The following THSD7A variants were observed in gnomAD, a reference collection of about 807,000 sequenced individuals.
The protein encoded by THSD7A is thrombospondin type 1 domain containing 7A, also known as thrombospondin type-1 domain-containing protein 7A.
THSD7A carries 96 observed loss-of-function variants against 231.3 expected under a neutral mutation model. That is an observed-to-expected ratio of 0.41 (90% CI 0.35 to 0.49). The LOEUF is 0.49. Among genes scored for constraint, THSD7A ranks in the 20% least tolerant of loss-of-function variants. THSD7A has a pLI of 0.05. For synonymous variants in THSD7A, 940 were observed against 743.3 expected (o/e 1.26, Z -4.30); for missense variants, 2,290 against 2,070.2 (o/e 1.11, Z -2.06).
Position 11,590,723 on chromosome 7 carries a change from G to A in THSD7A, c.1272-82C>T, listed in dbSNP as rs574136219. On this transcript the variant is annotated intron_variant, in intron 3 of 27. Coordinates refer to ENST00000423059, the MANE Select transcript of THSD7A (RefSeq NM_015204.3). This position sits in a 1 kb window ranked among gnomAD's most constrained non-coding sequence, Gnocchi z 4.4. The stretch of plus-strand genomic sequence containing the variant: ...TACTCCTGTCATACTTTGTTTTAAC[G>A]AAAATTAGTCTCAAAATCATTTTCC... The A allele has an allele frequency of 8.4e-6, 12 of 1,425,972 alleles. No homozygotes were observed. The South Asian group carries it at 8.8e-5, about 10-fold the overall frequency. The allele number at this position is 1,425,972 out of a possible 1,614,324, so 88.3% of individuals were successfully genotyped here. A position where few individuals can be genotyped will look rare whatever the true frequency, so the allele number is the denominator to read the frequency against.
chr7:11,451,924 C>A (rs546857605), intron 11 of THSD7A, among the ~76,000 whole-genome samples: 1 of 152,162 alleles, frequency 6.6e-6, no homozygotes, highest in African/African-American at 2.4e-5. Flanking sequence ...AGGCCATGCA[C>A]TCATTTTGTT....
chr7:11,416,366 A>G (rs1783959718), intron 17 of THSD7A, among the ~76,000 whole-genome samples: 2 of 152,206 alleles, frequency 1.3e-5, no homozygotes, highest in Admixed American at 6.5e-5. Context: ...TCATAATATG[A>G]TATCTGACAA....
chr7:11,622,217 A>G (rs1331670153), intron 2 of THSD7A, among the ~76,000 whole-genome samples: 1 of 152,148 alleles, frequency 6.6e-6, no homozygotes, highest in Non-Finnish European at 1.5e-5. Context: ...TTGTACATAC[A>G]TCACATATAG....
chr7:11,586,669 C>T (rs17164841), intron 4 of THSD7A, among the ~76,000 whole-genome samples: 2,265 of 152,106 alleles, frequency 0.015, 50 homozygotes, highest in African/African-American at 0.049. Context: ...GTGTGGAAAC[C>T]GTAGACAAAA....
intron 9 of THSD7A, among the ~76,000 whole-genome samples, chr7:11,469,253 T>A (rs1785837783): frequency 6.6e-6 from 1 of 152,132 alleles, no homozygotes; most frequent in African/African-American, 2.4e-5. Flanking sequence ...GATACCTTTC[T>A]CATCAGCAAT....
At chr7:11,476,294 A>T (rs1786172903) in intron 7 of THSD7A, among the ~76,000 whole-genome samples, 1 of 148,340 alleles carries the variant, frequency 6.7e-6, no homozygotes, top group Non-Finnish European at 1.5e-5. Flanking sequence ...CTTTTATTTA[A>T]CCAGAAGTCA....
At chr7:11,724,520 A>C (rs1470131907) in intron 1 of THSD7A, among the ~76,000 whole-genome samples, 1 of 151,860 alleles carries the variant, frequency 6.6e-6, no homozygotes, top group Admixed American at 6.6e-5. Flanking sequence ...TGAAAAGAAA[A>C]TAATATGTGA....
intron 16 of THSD7A, among the ~76,000 whole-genome samples, chr7:11,419,082 G>T (rs917377730): frequency 4.6e-5 from 7 of 152,158 alleles, no homozygotes; most frequent in Admixed American, 4.6e-4. Flanking sequence ...TTACATTTGA[G>T]TAGGTGGTGT....
intron 23 of THSD7A, among the ~76,000 whole-genome samples, chr7:11,383,008 A>C (rs1471453536): frequency 6.6e-6 from 1 of 151,336 alleles, no homozygotes; most frequent in Non-Finnish European, 1.5e-5. Context: ...TAGCTTGTTG[A>C]TGAATAAAAC....
At chr7:11,646,006 G>A (rs531237602) in intron 1 of THSD7A, among the ~76,000 whole-genome samples, 3 of 152,022 alleles carry the variant, frequency 2.0e-5, no homozygotes, top group African/African-American at 7.2e-5. Context: ...TTTGAGTAAA[G>A]TCTCATGCAA....
intron 13 of THSD7A, among the ~76,000 whole-genome samples, chr7:11,441,660 T>C (rs1784806781): frequency 6.6e-6 from 1 of 152,056 alleles, no homozygotes; most frequent in Admixed American, 6.6e-5. Flanking sequence ...ACATTTTTTA[T>C]TCATCACAAG....
In THSD7A at chr7:11,474,318, A is replaced by C. The variant is rs1162951219; in HGVS notation, c.2252+16T>G. 5.0e-6 allele frequency: 8 copies of C among 1,594,944 alleles called. No homozygotes were observed. The highest frequency in any genetic ancestry group is 1.7e-6 in the Non-Finnish European group (2 of 1,168,648). On this transcript the variant is annotated intron_variant, in intron 8 of 27. Transcript: ENST00000423059. This position sits in a 1 kb window ranked among gnomAD's most constrained non-coding sequence, Gnocchi z 4.1. ...GGTGGCTACACGATTTACTGTTGTC[A>C]TTCTAAAGCTCTTACTTTTTGGGTC... is the stretch of plus-strand genomic sequence containing the variant.
chr7:11,802,864 G>A (rs1480703687), intron 1 of THSD7A, among the ~76,000 whole-genome samples: 10 of 152,050 alleles, frequency 6.6e-5, no homozygotes, highest in African/African-American at 2.4e-4. Flanking sequence ...TCCGTGCTAT[G>A]TTATCAAAAA....
intron 1 of THSD7A, among the ~76,000 whole-genome samples, chr7:11,670,347 A>G (rs1358931836): frequency 2.6e-5 from 4 of 152,206 alleles, no homozygotes; most frequent in Admixed American, 6.6e-5. Context: ...GCAAAGGCCA[A>G]AGGTTTAAGG....
intron 9 of THSD7A, among the ~76,000 whole-genome samples, chr7:11,465,454 G>T (rs1361568930): frequency 6.6e-6 from 1 of 152,054 alleles, no homozygotes; most frequent in Non-Finnish European, 1.5e-5. Context: ...GGGGTACACA[G>T]ATTCAGAAGA....
rs963864475 is a variant in THSD7A, at chr7:11,820,844, T to C, written c.190+10913A>G. ...CTTCTTCTGCTTCTTTGATCCTTTA[T>C]AAGTTTTCTGTTTTCTCAGCTGACC... On this transcript the variant is annotated intron_variant, in intron 1 of 27. Coordinates refer to ENST00000423059, the MANE Select transcript of THSD7A (RefSeq NM_015204.3). 1.5e-5 allele frequency: 14 copies of C among 961,288 alleles called. No homozygotes were observed. The African/African-American group carries it at 1.5e-4, about 10-fold the overall frequency. The allele number at this position is 961,288 out of a possible 1,614,324, so 59.5% of individuals were successfully genotyped here.
At chr7:11,682,643 T>A (rs1219605664) in intron 1 of THSD7A, among the ~76,000 whole-genome samples, 1 of 152,024 alleles carries the variant, frequency 6.6e-6, no homozygotes, top group Non-Finnish European at 1.5e-5. Flanking sequence ...ACATAGACAT[T>A]CACACAGTAA....
At chr7:11,783,273 T>C (rs1021198213) in intron 1 of THSD7A, among the ~76,000 whole-genome samples, 2 of 152,156 alleles carry the variant, frequency 1.3e-5, no homozygotes, top group African/African-American at 4.8e-5. Flanking sequence ...TCAGAACACT[T>C]ACATTAGCCT....
intron 4 of THSD7A, among the ~76,000 whole-genome samples, chr7:11,569,270 G>A (rs1207620136): frequency 6.6e-6 from 1 of 152,078 alleles, no homozygotes; most frequent in Non-Finnish European, 1.5e-5. Flanking sequence ...GAAAATATTT[G>A]CAAACTATTC....
Sources: allele counts gnomAD v4.1 joint callset (sites outside exome capture counted in the v4.1 genomes callset), GRCh38; gene constraint gnomAD v4.1.1; non-coding constraint Gnocchi (gnomAD v3.1); transcripts MANE v1.5; gene names NCBI Gene and HGNC (gene_info 2026-07-23, HGNC 2026-07-21).